Variants in CHN2 observed in about 807,000 individuals in gnomAD.
The protein encoded by CHN2 is beta-chimaerin.
A neutral mutation model predicts 56.3 loss-of-function variants in CHN2; 35 were observed. That is an observed-to-expected ratio of 0.62 (90% CI 0.47 to 0.82). The LOEUF (loss-of-function observed/expected upper bound fraction) is 0.82. Among genes scored for constraint, CHN2 ranks in the 40% least tolerant of loss-of-function variants. The pLI is 0.00. For synonymous variants in CHN2, 210 were observed against 212.8 expected, an observed-to-expected ratio of 0.99 and a Z score of 0.12; for missense variants, 491 against 580.5, an observed-to-expected ratio of 0.85 and a Z score of 1.58.
intron 1 of CHN2, among the ~76,000 whole-genome samples, chr7:29,299,868 G>A (rs1389300060): frequency 2.6e-5 from 4 of 152,148 alleles, no homozygotes; most frequent in South Asian, 2.1e-4. Flanking sequence ...ATAAGTTCCC[G>A]AGAAGGAGAA....
intron 2 of CHN2, among the ~76,000 whole-genome samples, chr7:29,356,750 T>G (rs1044129503): frequency 6.6e-6 from 1 of 152,230 alleles, no homozygotes; most frequent in African/African-American, 2.4e-5. Context: ...AATCTAATGC[T>G]CTGTATTCCG....
At chr7:29,476,137 C>A (rs973024165) in intron 6 of CHN2, among the ~76,000 whole-genome samples, 2 of 152,138 alleles carry the variant, frequency 1.3e-5, no homozygotes, top group African/African-American at 4.8e-5. Context: ...GCTATGTGGC[C>A]ATGGGCAAGT....
chr7:29,408,740 T>C (rs1261645510), intron 6 of CHN2, among the ~76,000 whole-genome samples: 1 of 152,224 alleles, frequency 6.6e-6, no homozygotes, highest in East Asian at 1.9e-4. Flanking sequence ...TTTGGGTGGA[T>C]ATTAGAAAGA....
At chr7:29,190,936 C>CT (rs796284400), upstream of CHN2, among the ~76,000 whole-genome samples, 197 of 144,852 alleles carry the variant, frequency 1.4e-3, no homozygotes, top group Middle Eastern at 3.6e-3. Context: ...CCCCACCATG[C>CT]TTTTTTTTTT....
intron 1 of CHN2, among the ~76,000 whole-genome samples, chr7:29,202,379 G>A (rs1462363910): frequency 2.0e-5 from 3 of 152,218 alleles, no homozygotes; most frequent in Non-Finnish European, 4.4e-5. Flanking sequence ...TAATTGGGGG[G>A]AAATGCATGC....
At chr7:29,360,320 G>A (rs575572667) in intron 2 of CHN2, among the ~76,000 whole-genome samples, 15 of 152,214 alleles carry the variant, frequency 9.9e-5, no homozygotes, top group African/African-American at 2.6e-4. Context: ...TTGGGAGTTC[G>A]AGACCAGCCT....
intron 6 of CHN2, among the ~76,000 whole-genome samples, chr7:29,448,027 C>T (rs968864026): frequency 1.3e-5 from 2 of 152,142 alleles, no homozygotes; most frequent in Non-Finnish European, 2.9e-5. Flanking sequence ...GTTTGAAAAT[C>T]ACTGGAAAAA....
chr7:29,163,835 A>G (rs1462651153), intron 2 of CHN2, among the ~76,000 whole-genome samples: 1 of 152,218 alleles, frequency 6.6e-6, no homozygotes, highest in Non-Finnish European at 1.5e-5. Context: ...AGATTCATCT[A>G]TGTTATGCAT....
intron 1 of CHN2, among the ~76,000 whole-genome samples, chr7:29,345,998 A>C (rs1402091257): frequency 6.6e-6 from 1 of 152,166 alleles, no homozygotes; most frequent in Non-Finnish European, 1.5e-5. Context: ...AGTCAGACTG[A>C]CAGCAGGCCT....
At chr7:29,358,756 G>A (rs886539708) in intron 2 of CHN2, among the ~76,000 whole-genome samples, 3 of 152,088 alleles carry the variant, frequency 2.0e-5, no homozygotes, top group South Asian at 2.1e-4. Flanking sequence ...GAGCCACCGC[G>A]CCCAGCCTAA....
At chr7:29,327,042 C>T (rs1795857996) in intron 1 of CHN2, among the ~76,000 whole-genome samples, 1 of 152,154 alleles carries the variant, frequency 6.6e-6, no homozygotes, top group South Asian at 2.1e-4. Context: ...CTATTAATCA[C>T]CTTGCTACAT....
At chr7:29,261,103 A>G (rs6966031) in intron 1 of CHN2, among the ~76,000 whole-genome samples, 11,344 of 152,174 alleles carry the variant, frequency 0.075, 1,391 homozygotes, top group African/African-American at 0.26. Flanking sequence ...TCCTTCATCA[A>G]GTGTCTTCAG....
In CHN2 at chr7:29,268,097, T is replaced by G. The variant is rs532561694; in HGVS notation, c.49+73107T>G. ...AGGACAGAAGTCCTTTTGAGTATCT[T>G]TATTTTATTTGTTTAGTGAAACTCC... is the stretch of plus-strand genomic sequence containing the variant. On this transcript the variant is annotated intron_variant, in intron 1 of 12. Transcript: ENST00000222792. 1.6e-3 allele frequency among the ~76,000 whole-genome samples: 245 copies of G among 151,084 alleles called. 1 individual carries two copies. The highest frequency in any genetic ancestry group is 6.0e-3 in the African/African-American group (242 of 40,364).
At chr7:29,468,056 G>A (rs1432011525) in intron 6 of CHN2, among the ~76,000 whole-genome samples, 1 of 149,762 alleles carries the variant, frequency 6.7e-6, no homozygotes. Flanking sequence ...GTAGGAGCAG[G>A]TATAGGTCAT....
chr7:29,446,391 T>A (rs542242872), intron 6 of CHN2, among the ~76,000 whole-genome samples: 16 of 152,202 alleles, frequency 1.1e-4, no homozygotes, highest in South Asian at 2.1e-4. Context: ...CCCTACTATA[T>A]GCCTTAGATC....
At chr7:29,289,747 C>G (rs989636306) in intron 1 of CHN2, among the ~76,000 whole-genome samples, 6 of 152,274 alleles carry the variant, frequency 3.9e-5, no homozygotes, top group Admixed American at 3.9e-4. Context: ...TTGACTTTGC[C>G]TATCAACGCC....
chr7:29,283,711 C>T (rs972092713), intron 1 of CHN2, among the ~76,000 whole-genome samples: 1 of 152,064 alleles, frequency 6.6e-6, no homozygotes, highest in Non-Finnish European at 1.5e-5. Context: ...CTCCACCTCC[C>T]GAGTTCAAGC....
chr7:29,480,002 A>T, intron 6 of CHN2: 1 of 1,495,690 alleles, frequency 6.7e-7, no homozygotes, highest in Non-Finnish European at 8.9e-7. Context: ...GACAGGACCC[A>T]GCTGCCTCAA....
chr7:29,172,782 T>C (rs1291993915), intron 2 of CHN2, among the ~76,000 whole-genome samples: 1 of 152,190 alleles, frequency 6.6e-6, no homozygotes, highest in African/African-American at 2.4e-5. Flanking sequence ...AAAACTTTTT[T>C]TTTCAACTTC....
Sources: gnomAD v4.1 joint callset for allele counts (sites outside exome capture counted in the v4.1 genomes callset) on GRCh38, gnomAD v4.1.1 for gene constraint, MANE v1.5 for transcripts, NCBI Gene and HGNC (gene_info 2026-07-23, HGNC 2026-07-21) for gene names.